Variants in SLC15A1 observed in about 807,000 individuals in gnomAD.
The protein encoded by SLC15A1 is Caco-2 oligopeptide transporter.
In SLC15A1, 83 loss-of-function variants were observed where a neutral mutation model predicts 92.9. That is an observed-to-expected ratio of 0.89 (90% confidence interval 0.75 to 1.07). The LOEUF (loss-of-function observed/expected upper bound fraction) is 1.07, where lower values mean the gene tolerates loss of function less well. Ranked by LOEUF, SLC15A1 falls within the 50% of genes least tolerant of loss-of-function variation. The pLI, the probability that SLC15A1 is intolerant of heterozygous loss-of-function variation, is 0.00. For synonymous variants in SLC15A1, 322 were observed against 318.2 expected (o/e 1.01, Z -0.13); for missense variants, 857 against 880.1 (o/e 0.97, Z 0.33).
At chr13:98,734,987 G>A (rs1169019221) in intron 1 of SLC15A1, among the ~76,000 whole-genome samples, 1 of 152,284 alleles carries the variant, frequency 6.6e-6, no homozygotes, top group South Asian at 2.1e-4. Flanking sequence ...ATTTTATGAG[G>A]CCAGCATCAT....
In SLC15A1 at chr13:98,684,957, T is replaced by G. The variant is rs761277409; in HGVS notation, c.1936-42A>C. ...GTTGGAGCAGGAAAAAGAACAAAAA[T>G]AAAACAGGTCATACTGATGAATATA... On this transcript the variant is annotated intron_variant, in intron 22 of 22. Coordinates refer to ENST00000376503, the MANE Select transcript of SLC15A1 (RefSeq NM_005073.4). 2.6e-6 allele frequency: 4 copies of G among 1,531,200 alleles called. No homozygotes were observed. The African/African-American group carries it at 5.5e-5, about 21-fold the overall frequency. 94.9% of individuals were successfully genotyped at this position (1,531,200 alleles called of 1,614,324 possible).
At chr13:98,695,517 C>T (rs767067200) in intron 18 of SLC15A1, among the ~76,000 whole-genome samples, 1 of 152,168 alleles carries the variant, frequency 6.6e-6, no homozygotes, top group East Asian at 1.9e-4. Context: ...CTCAGCCTCC[C>T]GAGTAGTTGG....
At chr13:98,716,104 G>A in intron 8 of SLC15A1, 144 bp from the exon 9 acceptor site, 1 of 686,282 alleles carries the variant, frequency 1.5e-6, no homozygotes, top group Admixed American at 2.4e-5. Context: ...CAACCTCACA[G>A]TTTAGAAAGT....
At chr13:98,741,723 CAAAAAA>C (rs61421254) in intron 1 of SLC15A1, among the ~76,000 whole-genome samples, 5 of 81,928 alleles carry the variant, frequency 6.1e-5, no homozygotes, top group Non-Finnish European at 7.4e-5. Flanking sequence ...GACTCCGTCT[CAAAAAA>C]AAAAAAAAAA....
chr13:98,723,241 A>T (rs879051419), intron 5 of SLC15A1, among the ~76,000 whole-genome samples: 2 of 152,208 alleles, frequency 1.3e-5, no homozygotes, highest in African/African-American at 4.8e-5. Flanking sequence ...CAGTCTGGAC[A>T]GCAGTCTGAT....
intron 18 of SLC15A1, among the ~76,000 whole-genome samples, chr13:98,700,129 T>C (rs1158039779): frequency 6.6e-6 from 1 of 152,184 alleles, no homozygotes; most frequent in Non-Finnish European, 1.5e-5. Context: ...TCCCAGTTTA[T>C]AGTGAATCTT....
chr13:98,727,005 G>C, intron 1 of SLC15A1, 146 bp from the exon 2 acceptor site: 1 of 723,698 alleles, frequency 1.4e-6, no homozygotes, highest in Non-Finnish European at 2.4e-6. Flanking sequence ...CCCGGCCCCA[G>C]ACTCATGCTT....
chr13:98,693,101 T>G (rs1233440883), intron 18 of SLC15A1, among the ~76,000 whole-genome samples: 1 of 139,222 alleles, frequency 7.2e-6, no homozygotes, highest in African/African-American at 2.8e-5. Flanking sequence ...TTTTTTTTTT[T>G]TTTTTTTTTT....
chr13:98,713,413 G>A (rs1010165030), intron 9 of SLC15A1, among the ~76,000 whole-genome samples: 3 of 152,054 alleles, frequency 2.0e-5, no homozygotes, highest in African/African-American at 7.2e-5. Context: ...TCTGTATTTA[G>A]GTTTTATAAA....
intron 21 of SLC15A1, among the ~76,000 whole-genome samples, chr13:98,687,353 C>T (rs1234073386): frequency 6.6e-6 from 1 of 152,088 alleles, no homozygotes; most frequent in African/African-American, 2.4e-5. Context: ...GACTGTGGGG[C>T]TATGGACACA....
chr13:98,696,873 G>A (rs1450637429), intron 18 of SLC15A1, among the ~76,000 whole-genome samples: 2 of 152,036 alleles, frequency 1.3e-5, no homozygotes, highest in African/African-American at 4.8e-5. Flanking sequence ...AATCCAATGT[G>A]ACAAGTGTTC....
intron 1 of SLC15A1, among the ~76,000 whole-genome samples, chr13:98,748,885 C>T (rs2088518077): frequency 6.6e-6 from 1 of 152,198 alleles, no homozygotes; most frequent in Non-Finnish European, 1.5e-5. Flanking sequence ...TGAGCTCTAC[C>T]CTGCACCTGA....
chr13:98,746,424 G>A (rs192849568), intron 1 of SLC15A1, among the ~76,000 whole-genome samples: 2 of 152,214 alleles, frequency 1.3e-5, no homozygotes, highest in East Asian at 1.9e-4. Context: ...AGTTCTTGGA[G>A]GAGTTGTCAC....
At position 98,752,562 on chromosome 13, in the gene SLC15A1, T is replaced by TA. The variant is rs908863764; in HGVS notation, c.4+32dup. On this transcript the variant is annotated intron_variant, in intron 1 of 22. Coordinates refer to ENST00000376503, the MANE Select transcript of SLC15A1 (RefSeq NM_005073.4). ...CCCGCCCCGCGTAGCTCCGAGTCTT[T>TA]AGCCCGGCCGGCCCCCCACCCGCCG... 7.1e-6 allele frequency: 9 copies of TA among 1,268,486 alleles called. No individual in the cohort carries two copies. The African/African-American group carries it at 9.3e-5, about 13-fold the overall frequency. 78.6% of individuals were successfully genotyped at this position (1,268,486 alleles called of 1,614,324 possible).
In SLC15A1 at chr13:98,721,807, G is replaced by C; in HGVS notation, c.462C>G (p.Gly154=). The C allele has an allele frequency of 6.2e-7, 1 of 1,613,878 alleles. No individual in the cohort carries two copies. ...SAFGGDQFEE[G]QEKQRNRFFS... is the part of the protein sequence containing the mutation. Reference sequence around the variant, plus strand: ...CTGGGGAGGCCCCTACCCTTACCTGGCCCTCTTCAAACTGATCTCCACCAA... The same window carrying C: ...CTGGGGAGGCCCCTACCCTTACCTGCCCCTCTTCAAACTGATCTCCACCAA... Residue 154 remains glycine, a synonymous_variant, in exon 6 of 23, where the codon GGC becomes GGG. Coordinates refer to ENST00000376503, the MANE Select transcript of SLC15A1 (RefSeq NM_005073.4).
intron 18 of SLC15A1, among the ~76,000 whole-genome samples, chr13:98,696,097 C>A (rs2088018519): frequency 6.6e-6 from 1 of 151,512 alleles, no homozygotes. Flanking sequence ...TTTCTAAGAT[C>A]TCTTTGAAGA....
chr13:98,708,414 G>GGGA (rs2088132673), intron 15 of SLC15A1, among the ~76,000 whole-genome samples: 1 of 152,196 alleles, frequency 6.6e-6, no homozygotes, highest in Non-Finnish European at 1.5e-5. Context: ...TGGGAGTTCA[G>GGGA]ATTGTGAAGG....
chr13:98,700,097 T>C (rs2088055020), intron 18 of SLC15A1, among the ~76,000 whole-genome samples: 1 of 152,234 alleles, frequency 6.6e-6, no homozygotes, highest in African/African-American at 2.4e-5. Context: ...CTTTGTCAAA[T>C]ACATGATTTC....
Position 98,703,539 on chromosome 13 carries a change from C to CTTTTT in SLC15A1, c.1416+745_1416+749dup, listed in dbSNP as rs771426478. Among the ~76,000 whole-genome samples the CTTTTT allele has an allele frequency of 8.5e-4, 73 of 85,516 alleles. 2 individuals carry two copies. The highest frequency in any genetic ancestry group is 1.3e-3 in the African/African-American group (20 of 15,192). The allele number at this position is 85,516 out of a possible 152,430, so 56.1% of individuals were successfully genotyped here. A position where few individuals can be genotyped will look rare whatever the true frequency, so the allele number is the denominator to read the frequency against. ...TATACCTTTGTAGCTGCTGCTGCTG[C>CTTTTT]TTTTTTTTTTTTTTTTTTTTTTTTT... On this transcript the variant is annotated intron_variant, in intron 17 of 22. Transcript: ENST00000376503.
Sources: gnomAD v4.1 joint callset for allele counts (sites outside exome capture counted in the v4.1 genomes callset) on GRCh38, gnomAD v4.1.1 for gene constraint, MANE v1.5 for transcripts, NCBI Gene and HGNC (gene_info 2026-07-23, HGNC 2026-07-21) for gene names.